Variants in ACAP2 observed in about 807,000 individuals in gnomAD.
ACAP2 encodes ArfGAP with coiled-coil, ankyrin repeat and PH domains 2, also known as arf-GAP with coiled-coil, ANK repeat and PH domain-containing protein 2.
Under a neutral mutation model 115.8 loss-of-function variants are expected in ACAP2, and 39 were observed. The ratio of observed to expected loss-of-function variants is 0.34; its 90% CI spans 0.26 to 0.44. The LOEUF (loss-of-function observed/expected upper bound fraction) is 0.44, where lower values mean the gene tolerates loss of function less well. Ranked by LOEUF, ACAP2 falls within the 20% of genes least tolerant of loss-of-function variation. The pLI, the probability that ACAP2 is intolerant of heterozygous loss-of-function variation, is 1.00. For synonymous variants in ACAP2, 289 were observed against 315.8 expected (o/e 0.92, Z 0.90); for missense variants, 662 against 927.6 (o/e 0.71, Z 3.72).
intron 1 of ACAP2, among the ~76,000 whole-genome samples, chr3:195,395,882 T>C (rs1711727520): frequency 6.6e-6 from 1 of 152,238 alleles, no homozygotes; most frequent in Non-Finnish European, 1.5e-5. Context: ...TTAATAACAA[T>C]ACCTTCATTC....
At chr3:195,357,065 T>A (rs1341321522) in intron 4 of ACAP2, among the ~76,000 whole-genome samples, 1 of 151,970 alleles carries the variant, frequency 6.6e-6, no homozygotes, top group East Asian at 1.9e-4. Flanking sequence ...ACGGCACCTC[T>A]GGAACTACCC....
At chr3:195,397,964 C>G (rs574124540) in intron 1 of ACAP2, among the ~76,000 whole-genome samples, 3 of 152,152 alleles carry the variant, frequency 2.0e-5, no homozygotes, top group Non-Finnish European at 4.4e-5. Flanking sequence ...GCAATTAAAA[C>G]AGCAAATCTA....
chr3:195,357,559 G>C (rs1025066446), intron 4 of ACAP2: 1 of 152,192 alleles, frequency 6.6e-6, no homozygotes, highest in Non-Finnish European at 1.5e-5. Flanking sequence ...ATCTGACGAA[G>C]TACAGTCCCA....
rs546879661 is a variant in ACAP2, at chr3:195,360,264, T to A, written c.286-14947A>T. ...CAAAACAGACTTCAAGAAAAAAAAATTTTTAAGAGACAAAGAAGGTCATTA... is the reference window on the plus strand; with the variant it reads ...CAAAACAGACTTCAAGAAAAAAAAAATTTTAAGAGACAAAGAAGGTCATTA... On this transcript the variant is annotated intron_variant, in intron 4 of 22. Coordinates refer to ENST00000326793, the MANE Select transcript of ACAP2 (RefSeq NM_012287.6). Among the ~76,000 whole-genome samples the A allele has an allele frequency of 3.3e-3, 493 of 151,554 alleles. 5 individuals carry two copies. Among genetic ancestry groups the A allele is most frequent in the Non-Finnish European group, 4.1e-3 (281 of 67,872 alleles).
intron 2 of ACAP2, among the ~76,000 whole-genome samples, chr3:195,384,306 A>G (rs958454474): frequency 1.3e-5 from 2 of 152,242 alleles, no homozygotes; most frequent in African/African-American, 2.4e-5. Flanking sequence ...AGACAGCTCT[A>G]TAACAACAAA....
chr3:195,407,626 G>A (rs1217637773), intron 1 of ACAP2, among the ~76,000 whole-genome samples: 1 of 152,106 alleles, frequency 6.6e-6, no homozygotes, highest in Non-Finnish European at 1.5e-5. Context: ...GGAGCCTGAA[G>A]GTAGACATTG....
At chr3:195,417,307 C>T (rs1288654141) in intron 1 of ACAP2, among the ~76,000 whole-genome samples, 1 of 151,812 alleles carries the variant, frequency 6.6e-6, no homozygotes, top group African/African-American at 2.4e-5. Context: ...CTGAATGTAC[C>T]ATGCATAACT....
intron 1 of ACAP2, among the ~76,000 whole-genome samples, chr3:195,413,256 T>C (rs1713437503): frequency 6.6e-6 from 1 of 152,234 alleles, no homozygotes; most frequent in African/African-American, 2.4e-5. Flanking sequence ...ATTCATCAGT[T>C]CATTAGAAAA....
intron 1 of ACAP2, among the ~76,000 whole-genome samples, chr3:195,407,558 T>A (rs930838627): frequency 6.6e-6 from 1 of 151,920 alleles, no homozygotes; most frequent in Non-Finnish European, 1.5e-5. Flanking sequence ...AATACAAAAA[T>A]TAGCCGGGCA....
intron 21 of ACAP2, among the ~76,000 whole-genome samples, 168 bp from the exon 22 acceptor site, chr3:195,286,025 T>C (rs1726822000): frequency 6.6e-6 from 1 of 152,226 alleles, no homozygotes; most frequent in Non-Finnish European, 1.5e-5. Context: ...CAAAGATAAG[T>C]ATCTCACCTT....
chr3:195,394,609 A>G (rs1194603769), intron 1 of ACAP2, among the ~76,000 whole-genome samples: 2 of 152,264 alleles, frequency 1.3e-5, no homozygotes, highest in Non-Finnish European at 2.9e-5. Flanking sequence ...TGAGGCCAGG[A>G]GTTCTAGACC....
At chr3:195,288,373 T>C (rs2108909355) in intron 21 of ACAP2, among the ~76,000 whole-genome samples, 1 of 152,336 alleles carries the variant, frequency 6.6e-6, no homozygotes, top group African/African-American at 2.4e-5. Context: ...ATACATTTAA[T>C]GTGCTTAGAG....
intron 1 of ACAP2, among the ~76,000 whole-genome samples, chr3:195,401,522 C>T (rs1426707087): frequency 6.6e-6 from 1 of 152,108 alleles, no homozygotes; most frequent in Non-Finnish European, 1.5e-5. Flanking sequence ...AAAAAATTAG[C>T]CAGGCGTGGT....
intron 13 of ACAP2, among the ~76,000 whole-genome samples, chr3:195,305,955 T>A (rs1189208970): frequency 6.6e-6 from 1 of 152,046 alleles, no homozygotes; most frequent in East Asian, 1.9e-4. Flanking sequence ...CAATTATCTA[T>A]CACTAAGCCT....
At chr3:195,382,441 TTCTTTCA>T (rs1734010839) in intron 2 of ACAP2, among the ~76,000 whole-genome samples, 1 of 152,118 alleles carries the variant, frequency 6.6e-6, no homozygotes, top group Non-Finnish European at 1.5e-5. Flanking sequence ...GCTCTTCTCT[TTCTTTCA>T]TCTTTCTCTT....
At chr3:195,401,090 T>C (rs996698673) in intron 1 of ACAP2, among the ~76,000 whole-genome samples, 25 of 152,198 alleles carry the variant, frequency 1.6e-4, no homozygotes, top group African/African-American at 5.6e-4. Context: ...TTCCTGCTTT[T>C]ATGGCTGTTC....
At chr3:195,413,217 C>G (rs540332332) in intron 1 of ACAP2, among the ~76,000 whole-genome samples, 1 of 152,208 alleles carries the variant, frequency 6.6e-6, no homozygotes, top group Admixed American at 6.5e-5. Flanking sequence ...GGTTGAGGTA[C>G]ACCACAGTCT....
At chr3:195,407,672 G>A (rs988684329) in intron 1 of ACAP2, among the ~76,000 whole-genome samples, 3 of 152,144 alleles carry the variant, frequency 2.0e-5, no homozygotes, top group Admixed American at 2.0e-4. Context: ...ACTCCTGCCT[G>A]GGCAACAGAG....
At chr3:195,365,042 G>A (rs151045914) in intron 4 of ACAP2, among the ~76,000 whole-genome samples, 213 of 152,252 alleles carry the variant, frequency 1.4e-3, no homozygotes, top group African/African-American at 4.9e-3. Flanking sequence ...GATAAACCTC[G>A]CGTGTTCTCA....
Sources: gnomAD v4.1 joint callset for allele counts (sites outside exome capture counted in the v4.1 genomes callset) on GRCh38, gnomAD v4.1.1 for gene constraint, MANE v1.5 for transcripts, NCBI Gene and HGNC (gene_info 2026-07-23, HGNC 2026-07-21) for gene names.